The following ZSWIM6 variants were observed in gnomAD, a reference collection of about 807,000 sequenced individuals.
The protein encoded by ZSWIM6 is zinc finger SWIM domain-containing protein 6.
ZSWIM6 carries 9 observed loss-of-function variants against 113.2 expected under a neutral mutation model. That is an observed-to-expected ratio of 0.08 (90% CI 0.05 to 0.14). The LOEUF is 0.14. Ranked by LOEUF, ZSWIM6 falls within the 10% of genes least tolerant of loss-of-function variation. The probability of loss-of-function intolerance (pLI) is 1.00; values close to 1 mark genes in which losing one functional copy is unlikely to be tolerated. For synonymous variants in ZSWIM6, 611 were observed against 606.5 expected (o/e 1.01, Z -0.11); for missense variants, 1,162 against 1,552.2 (o/e 0.75, Z 4.22).
intron 1 of ZSWIM6, among the ~76,000 whole-genome samples, chr5:61,464,508 G>T (rs1747393016): frequency 6.6e-6 from 1 of 152,106 alleles, no homozygotes; most frequent in Non-Finnish European, 1.5e-5. Context: ...TGCCTGCTTT[G>T]CAGGATGGTT....
rs1323160782 is a variant in ZSWIM6 at position 61,539,468 on chromosome 5, T to C, written c.2540-128T>C. ...TGAACATGTTAGGTAAATTAACTTGTGCTTTATGTTTTGTTTTGTTTCTTT... is the reference window on the plus strand; with the variant it reads ...TGAACATGTTAGGTAAATTAACTTGCGCTTTATGTTTTGTTTTGTTTCTTT... On this transcript the variant is annotated intron_variant, in intron 11 of 13. Coordinates refer to ENST00000252744, the MANE Select transcript of ZSWIM6 (RefSeq NM_020928.2). 3 of 1,122,636 alleles carry C rather than the reference T, an allele frequency of 2.7e-6. No individual in the cohort carries two copies. The East Asian group carries it at 7.8e-5, about 29-fold the overall frequency. 69.5% of individuals were successfully genotyped at this position (1,122,636 alleles called of 1,614,324 possible).
At chr5:61,389,500 A>C (rs1467625066) in intron 1 of ZSWIM6, among the ~76,000 whole-genome samples, 5 of 145,264 alleles carry the variant, frequency 3.4e-5, no homozygotes, top group Admixed American at 2.9e-4. Context: ...GGTTGCAGCC[A>C]GCCGAGATTG....
At chr5:61,533,618 T>A (rs1749500871) in intron 9 of ZSWIM6, among the ~76,000 whole-genome samples, 1 of 152,156 alleles carries the variant, frequency 6.6e-6, no homozygotes, top group Non-Finnish European at 1.5e-5. Flanking sequence ...TCATAGCAAA[T>A]AATTGATTAT....
chr5:61,360,506 G>T (rs542512764), intron 1 of ZSWIM6, among the ~76,000 whole-genome samples: 2 of 152,298 alleles, frequency 1.3e-5, no homozygotes, highest in South Asian at 2.1e-4. Context: ...GTAGAGTTGG[G>T]ATGTGAATCC....
chr5:61,545,473 AAC>A lies in ZSWIM6; in HGVS notation c.*1160_*1161del, dbSNP rs948845086. 6.6e-6 allele frequency: 1 copy of A among 152,056 alleles called. No homozygotes were observed. Among genetic ancestry groups the A allele is most frequent in the Non-Finnish European group, 1.5e-5 (1 of 68,018 alleles). 9.4% of individuals were successfully genotyped at this position (152,056 alleles called of 1,614,324 possible). ...TAAAAGAAATATCCTTTTGACACAA[AAC>A]ACAAAATGTTTTCCAAAACAATTGA... On this transcript the variant is annotated 3_prime_UTR_variant, in exon 14 of 14. Coordinates refer to ENST00000252744, the MANE Select transcript of ZSWIM6 (RefSeq NM_020928.2).
Position 61,332,585 on chromosome 5 carries a change from G to T in ZSWIM6, c.313G>T (p.Val105Leu). ...GCGCTTTGAGCGCATCCCGGAGCCGGTGCAGCGCCGCATAGTCTATTGGTC... is the reference window on the plus strand; with the variant it reads ...GCGCTTTGAGCGCATCCCGGAGCCGTTGCAGCGCCGCATAGTCTATTGGTC... ...EERFERIPEP[V>L]QRRIVYWSFP... The change falls in exon 1 of 14, where the codon GTG becomes TTG. Residue 105 changes from valine (V) to leucine (L), a missense_variant. Val to Leu is a conservative substitution (Grantham distance 32). Transcript: ENST00000252744. 7.4e-7 allele frequency: 1 copy of T among 1,347,884 alleles called. No individual in the cohort carries two copies. Among genetic ancestry groups the T allele is most frequent in the Non-Finnish European group, 9.8e-7 (1 of 1,021,326 alleles). The allele number at this position is 1,347,884 out of a possible 1,614,324, so 83.5% of individuals were successfully genotyped here.
chr5:61,516,937 T>G (rs1748961859), intron 4 of ZSWIM6, among the ~76,000 whole-genome samples: 1 of 152,160 alleles, frequency 6.6e-6, no homozygotes, highest in South Asian at 2.1e-4. Flanking sequence ...GAATTCTCAT[T>G]GACATTTCAG....
chr5:61,439,508 TAAAC>T lies in ZSWIM6; in HGVS notation c.677-33171_677-33168del, dbSNP rs1193863271. Among the ~76,000 whole-genome samples, 15 of 152,352 alleles carry T rather than the reference TAAAC, an allele frequency of 9.8e-5. No homozygotes were observed. In the South Asian group the frequency reaches 1.2e-3, roughly 13 times the overall value. On this transcript the variant is annotated intron_variant, in intron 1 of 13. Coordinates refer to ENST00000252744, the MANE Select transcript of ZSWIM6 (RefSeq NM_020928.2). ...ACAATGCATAAAACATGTCAACAGT[TAAAC>T]AGATAGTTATGGGATTATACTTTGT...
At chr5:61,522,821 C>T (rs536638311) in intron 5 of ZSWIM6, among the ~76,000 whole-genome samples, 1 of 152,196 alleles carries the variant, frequency 6.6e-6, no homozygotes, top group Non-Finnish European at 1.5e-5. Flanking sequence ...TAGGTAATAT[C>T]CTTAATCCCC....
rs1461669579 is a variant in ZSWIM6 at position 61,531,734 on chromosome 5, A to T, written c.2245+9A>T. ...AGTCTTCCTATTAGAAGGTAGCCTG[A>T]TACAGAAGTTTTCCACTTATTTAGC... is the stretch of plus-strand genomic sequence containing the variant. On this transcript the variant is annotated intron_variant, in intron 9 of 13. Transcript: ENST00000252744. 1 of 1,550,146 alleles carries T rather than the reference A, an allele frequency of 6.5e-7. No homozygotes were observed. The highest frequency in any genetic ancestry group is 1.2e-5 in the South Asian group (1 of 84,002).
chr5:61,379,127 G>C (rs1336599802), intron 1 of ZSWIM6, among the ~76,000 whole-genome samples: 2 of 140,550 alleles, frequency 1.4e-5, no homozygotes, highest in South Asian at 2.2e-4. Context: ...GCTGCAGTGA[G>C]CTACTGTGAT....
At chr5:61,445,836 T>TG (rs1746939083) in intron 1 of ZSWIM6, among the ~76,000 whole-genome samples, 1 of 152,128 alleles carries the variant, frequency 6.6e-6, no homozygotes, top group Non-Finnish European at 1.5e-5. Context: ...TACTTTACCT[T>TG]GGGGGTGACA....
At chr5:61,474,587 G>C (rs1747660157) in intron 2 of ZSWIM6, among the ~76,000 whole-genome samples, 1 of 152,070 alleles carries the variant, frequency 6.6e-6, no homozygotes, top group Non-Finnish European at 1.5e-5. Flanking sequence ...TGTGAAATCT[G>C]GTTACTGATT....
At chr5:61,452,428 T>C (rs1747103089) in intron 1 of ZSWIM6, among the ~76,000 whole-genome samples, 2 of 152,182 alleles carry the variant, frequency 1.3e-5, no homozygotes, top group African/African-American at 4.8e-5. Flanking sequence ...CCTAGGGTCC[T>C]CCTGCCCGTT....
At chr5:61,520,526 A>T (rs190276920) in intron 4 of ZSWIM6, among the ~76,000 whole-genome samples, 11 of 152,314 alleles carry the variant, frequency 7.2e-5, no homozygotes, top group Admixed American at 5.9e-4. Flanking sequence ...ACTCATGAAC[A>T]TATAAATTTA....
At chr5:61,391,421 T>A in intron 1 of ZSWIM6, 2 of 1,002,786 alleles carry the variant, frequency 2.0e-6, no homozygotes, top group South Asian at 2.5e-5. Context: ...TTCATGCTGC[T>A]GAAGTCCTTC....
chr5:61,517,230 TCTC>T (rs898675079), intron 4 of ZSWIM6, among the ~76,000 whole-genome samples: 7 of 152,120 alleles, frequency 4.6e-5, no homozygotes, highest in African/African-American at 7.2e-5. Flanking sequence ...AATTTTTTCT[TCTC>T]CTCATCTTTT....
At chr5:61,524,610 G>T (rs1749229721) in intron 5 of ZSWIM6, among the ~76,000 whole-genome samples, 1 of 152,130 alleles carries the variant, frequency 6.6e-6, no homozygotes, top group South Asian at 2.1e-4. Flanking sequence ...AGAGTAAAGG[G>T]GTTGGCGTAG....
chr5:61,400,984 G>C (rs1441760558), intron 1 of ZSWIM6, among the ~76,000 whole-genome samples: 10 of 152,164 alleles, frequency 6.6e-5, no homozygotes, highest in Admixed American at 6.5e-4. Context: ...CTGAAGTCTT[G>C]AACTCAGTTT....
Sources: gnomAD v4.1 joint callset for allele counts (sites outside exome capture counted in the v4.1 genomes callset) on GRCh38, gnomAD v4.1.1 for gene constraint, MANE v1.5 for transcripts, NCBI Gene and HGNC (gene_info 2026-07-23, HGNC 2026-07-21) for gene names.